CDH3: variants seen among roughly 807,000 people sequenced by gnomAD.
The protein encoded by CDH3 is cadherin 3.
A neutral mutation model predicts 82.0 loss-of-function variants in CDH3; 54 were observed. That is an observed-to-expected ratio of 0.66 (90% CI 0.53 to 0.83). The LOEUF is 0.83. Ranked by LOEUF, CDH3 falls within the 40% of genes least tolerant of loss-of-function variation. CDH3 has a pLI of 0.00. For synonymous variants in CDH3, 446 were observed against 437.9 expected, an observed-to-expected ratio of 1.02 and a Z score of -0.23; for missense variants, 1,054 against 1,084.6, an observed-to-expected ratio of 0.97 and a Z score of 0.40.
In CDH3 at chr16:68,695,906, G is replaced by A. The variant is rs536421237; in HGVS notation, c.2263G>A (p.Gly755Ser). The change falls in exon 15 of 16, where the codon GGC becomes AGC. Residue 755 changes from glycine (G) to serine (S), a missense_variant. Transcript: ENST00000264012. ...TCGGCCAGCCAACCCAGATGAAATC[G>A]GCAACTTTATAATTGAGGTGAGGCG... The part of the protein sequence containing the change: ...RPRPANPDEI[G>S]NFIIENLKAA... The A allele has an allele frequency of 8.7e-6, 14 of 1,614,074 alleles. No homozygotes were observed. In the African/African-American group the frequency reaches 9.3e-5, roughly 11 times the overall value.
chr16:68,701,544 A>ATT (rs71382058), downstream of CDH3, among the ~76,000 whole-genome samples: 130 of 128,224 alleles, frequency 1.0e-3, no homozygotes, highest in Non-Finnish European at 1.6e-3. Flanking sequence ...ATTACACACA[A>ATT]TTTTTTTTTT....
chr16:68,674,203 C>T (rs1014166790), intron 2 of CDH3, among the ~76,000 whole-genome samples: 1 of 152,010 alleles, frequency 6.6e-6, no homozygotes, highest in Non-Finnish European at 1.5e-5. Flanking sequence ...TTGTTGTTTT[C>T]TTTTTTTTCT....
intron 6 of CDH3, among the ~76,000 whole-genome samples, chr16:68,679,495 C>A (rs2152100460): frequency 6.6e-6 from 1 of 152,074 alleles, no homozygotes; most frequent in East Asian, 1.9e-4. Context: ...GAGTTTAAGA[C>A]CAGCTGGGCC....
Position 68,684,677 on chromosome 16 carries a change from C to T in CDH3, c.1277C>T (p.Thr426Ile). 1 of 1,614,202 alleles carries T rather than the reference C, an allele frequency of 6.2e-7. No homozygotes were observed. Among genetic ancestry groups the T allele is most frequent in the Non-Finnish European group, 8.5e-7 (1 of 1,180,038 alleles). The change falls in exon 10 of 16, where the codon ACC becomes ATC. Residue 426 changes from threonine to isoleucine, a missense_variant. By Grantham distance (89) the Thr-to-Ile change is moderately conservative. Coordinates refer to ENST00000264012, the MANE Select transcript of CDH3 (RefSeq NM_001793.6). Reference protein sequence around the residue: ...FVLKLPTSTATIVVHVEDVNE... With the variant: ...FVLKLPTSTAIIVVHVEDVNE... Reference sequence around the variant, plus strand: ...CTGAAGCTCCCAACCTCCACAGCCACCATAGTGGTCCACGTGGAGGATGTG... The same window carrying T: ...CTGAAGCTCCCAACCTCCACAGCCATCATAGTGGTCCACGTGGAGGATGTG...
At chr16:68,709,501 C>CAGGCTGG (rs1962002403) in intron 1 of CDH3, among the ~76,000 whole-genome samples, 1 of 152,164 alleles carries the variant, frequency 6.6e-6, no homozygotes. Context: ...CTCCGTCACC[C>CAGGCTGG]AGGCTGGAGT....
chr16:68,732,706 T>C, the CDH3 span, among the ~76,000 whole-genome samples: 15 of 152,172 alleles, frequency 9.9e-5, no homozygotes, highest in Non-Finnish European at 1.3e-4. Context: ...CAATGGGCCT[T>C]ATCACCTGCA....
chr16:68,677,776 T>G (rs1438022484), intron 3 of CDH3, among the ~76,000 whole-genome samples: 2 of 152,160 alleles, frequency 1.3e-5, no homozygotes, highest in African/African-American at 4.8e-5. Flanking sequence ...CTTTCCCTTT[T>G]GGCACATAGA....
At chr16:68,689,504 C>T (rs574831404) in intron 12 of CDH3, among the ~76,000 whole-genome samples, 1 of 151,398 alleles carries the variant, frequency 6.6e-6, no homozygotes, top group African/African-American at 2.4e-5. Context: ...CCACTGCACT[C>T]CAGCCTGGGT....
intron 14 of CDH3, 81 bp from the exon 15 acceptor site, chr16:68,695,696 G>C (rs994715246): frequency 4.0e-6 from 6 of 1,496,902 alleles, no homozygotes; most frequent in African/African-American, 1.4e-5. Context: ...CAAAGGGTAG[G>C]GGGTGTGGGG....
At chr16:68,678,079 T>C in intron 3 of CDH3, 55 bp from the exon 4 acceptor site, 1 of 1,525,204 alleles carries the variant, frequency 6.6e-7, no homozygotes, top group Admixed American at 1.7e-5. Flanking sequence ...TGAGAGGATG[T>C]TGAGCATGTC....
intron 3 of CDH3, 88 bp downstream of exon 3, chr16:68,676,558 G>T: frequency 2.0e-6 from 2 of 986,864 alleles, no homozygotes; most frequent in South Asian, 1.3e-5. Context: ...GGTTGCTGTG[G>T]CCATTGTGAG....
downstream of CDH3, among the ~76,000 whole-genome samples, chr16:68,728,596 C>T (rs1962251310): frequency 6.6e-6 from 1 of 152,154 alleles, no homozygotes; most frequent in Non-Finnish European, 1.5e-5. Context: ...ACGCCCAGCC[C>T]CTTATGAGCT....
downstream of CDH3, among the ~76,000 whole-genome samples, chr16:68,703,403 G>A (rs2152109028): frequency 6.6e-6 from 1 of 152,302 alleles, no homozygotes; most frequent in East Asian, 1.9e-4. Context: ...TGAGGCGATG[G>A]GCCTGCCATT....
At chr16:68,695,496 G>T (rs558834745) in intron 14 of CDH3, 111 bp downstream of exon 14, 17 of 1,105,440 alleles carry the variant, frequency 1.5e-5, no homozygotes, top group Non-Finnish European at 1.3e-6. Context: ...GCCCTGGCAT[G>T]AAGCATGCGT....
At chr16:68,705,292 T>C (rs1325643867), downstream of CDH3, among the ~76,000 whole-genome samples, 1 of 152,152 alleles carries the variant, frequency 6.6e-6, no homozygotes, top group Non-Finnish European at 1.5e-5. Flanking sequence ...ACTCTGAGAC[T>C]CTGTAGCCCT....
At chr16:68,688,083 T>G (rs1961466758) in intron 12 of CDH3, among the ~76,000 whole-genome samples, 1 of 151,562 alleles carries the variant, frequency 6.6e-6, no homozygotes, top group Non-Finnish European at 1.5e-5. Context: ...TCTCGCTATG[T>G]GACATGGGCC....
Position 68,695,898 on chromosome 16 carries a change from A to C in CDH3, c.2255A>C (p.Asp752Ala). Residue 752 changes from aspartate to alanine, a missense_variant, in exon 15 of 16, where the codon GAT becomes GCT. By Grantham distance (126) the Asp-to-Ala change is moderately radical. Coordinates refer to ENST00000264012, the MANE Select transcript of CDH3 (RefSeq NM_001793.6). ...PMYRPRPANPDEIGNFIIENL... is the reference protein window; with the variant it reads ...PMYRPRPANPAEIGNFIIENL... The stretch of plus-strand genomic sequence containing the variant: ...TACCGTCCTCGGCCAGCCAACCCAG[A>C]TGAAATCGGCAACTTTATAATTGAG... 1 of 1,614,156 alleles carries C rather than the reference A, an allele frequency of 6.2e-7. No individual in the cohort carries two copies. Among genetic ancestry groups the C allele is most frequent in the Non-Finnish European group, 8.5e-7 (1 of 1,180,038 alleles).
chr16:68,647,853 C>T (rs940996668), intron 2 of CDH3, among the ~76,000 whole-genome samples: 4 of 152,100 alleles, frequency 2.6e-5, no homozygotes, highest in African/African-American at 7.2e-5. Context: ...CCTGCAGGAA[C>T]GTATAGACTC....
intron 15 of CDH3, chr16:68,697,022 T>C (rs1415687235): frequency 1.5e-5 from 1 of 65,530 alleles, no homozygotes; most frequent in Non-Finnish European, 3.2e-5. Context: ...GGAGACTCCA[T>C]CTCAAAAAAA....
Sources: gnomAD v4.1 joint callset for allele counts (sites outside exome capture counted in the v4.1 genomes callset) on GRCh38, gnomAD v4.1.1 for gene constraint, MANE v1.5 for transcripts, NCBI Gene and HGNC (gene_info 2026-07-23, HGNC 2026-07-21) for gene names.